Variants in SH3BGR observed in about 807,000 individuals in gnomAD.
SH3BGR encodes SH3 domain binding glutamate rich protein, also known as SH3 domain-binding glutamic acid-rich protein.
A neutral mutation model predicts 24.5 loss-of-function variants in SH3BGR; 29 were observed. The observed-to-expected ratio is 1.18, with a 90% CI of 0.88 to 1.61. The LOEUF is 1.61. SH3BGR is among the 40% of genes most tolerant of loss of function. SH3BGR has a pLI of 0.00. For synonymous variants in SH3BGR, 55 were observed against 65.7 expected (o/e 0.84, Z 0.79); for missense variants, 162 against 205.8 (o/e 0.79, Z 1.30).
upstream of SH3BGR, chr21:39,451,737 A>G (rs1427303595): frequency 2.4e-6 from 2 of 825,646 alleles, no homozygotes; most frequent in South Asian, 1.7e-5. Flanking sequence ...GCCCCAAGGC[A>G]TCTCTGCACA....
At position 39,503,524 on chromosome 21, in the gene SH3BGR, A is replaced by G. The variant is rs138130486; in HGVS notation, c.405+3609A>G. On this transcript the variant is annotated intron_variant, in intron 4 of 6. Transcript: ENST00000333634. ...TCCAGCACCTGGCAATGTTCAGTTG[A>G]GTGATAAACCAGGTAAATGCCTAAG... Among the ~76,000 whole-genome samples the G allele has an allele frequency of 2.2e-4, 33 of 152,358 alleles. 1 individual carries two copies. The East Asian group carries it at 6.2e-3, about 28-fold the overall frequency.
chr21:39,455,277 G>A (rs1413965983), intron 1 of SH3BGR, among the ~76,000 whole-genome samples: 1 of 152,216 alleles, frequency 6.6e-6, no homozygotes, highest in Non-Finnish European at 1.5e-5. Context: ...AGCTCTCTGA[G>A]TCTTCACTGA....
At chr21:39,478,185 G>C (rs993755134) in intron 3 of SH3BGR, among the ~76,000 whole-genome samples, 1 of 152,108 alleles carries the variant, frequency 6.6e-6, no homozygotes. Flanking sequence ...ATATTGGAAA[G>C]GTCAAATAGT....
chr21:39,500,189 G>A (rs2078470594), intron 4 of SH3BGR, among the ~76,000 whole-genome samples: 1 of 152,086 alleles, frequency 6.6e-6, no homozygotes, highest in Non-Finnish European at 1.5e-5. Context: ...TGGTGTTATG[G>A]CTAGGTTAGG....
At chr21:39,480,089 C>G (rs971624956) in intron 3 of SH3BGR, among the ~76,000 whole-genome samples, 4 of 152,144 alleles carry the variant, frequency 2.6e-5, no homozygotes, top group African/African-American at 9.7e-5. Flanking sequence ...CCATTAATTT[C>G]TTTCCATATG....
At position 39,511,394 on chromosome 21, in the gene SH3BGR, C is replaced by G. The variant is rs571300842; in HGVS notation, c.436-286C>G. Among the ~76,000 whole-genome samples the G allele has an allele frequency of 7.8e-6, 1 of 128,672 alleles. No homozygotes were observed. 84.4% of individuals were successfully genotyped at this position (128,672 alleles called of 152,430 possible). On this transcript the variant is annotated intron_variant, in intron 5 of 6. Coordinates refer to ENST00000333634, the MANE Select transcript of SH3BGR (RefSeq NM_007341.3). This position sits in a 1 kb window ranked among gnomAD's most constrained non-coding sequence, Gnocchi z 4.2. ...GTGTGGTGTGTATGTGGTGTGTGTG[C>G]GTGGATGTGTGTCTGGGTGGTGTGT...
Position 39,502,046 on chromosome 21 carries a change from G to A in SH3BGR, c.405+2131G>A, listed in dbSNP as rs193188962. On this transcript the variant is annotated intron_variant, in intron 4 of 6. Coordinates refer to ENST00000333634, the MANE Select transcript of SH3BGR (RefSeq NM_007341.3). ...AAATTAGCTGGCTGTGATGGCGCAC[G>A]CCTGTAATCCCAGCTATTTGGGAAG... Among the ~76,000 whole-genome samples the A allele has an allele frequency of 8.0e-3, 1,217 of 152,342 alleles. 3 individuals are homozygous for A. The highest frequency in any genetic ancestry group is 0.012 in the Non-Finnish European group (840 of 68,036).
intron 1 of SH3BGR, among the ~76,000 whole-genome samples, chr21:39,456,921 T>C (rs1307620597): frequency 7.1e-6 from 1 of 140,786 alleles, no homozygotes; most frequent in African/African-American, 2.6e-5. Context: ...ATTGTCTTTT[T>C]TATATTGATG....
At chr21:39,458,796 G>GC (rs1252112824) in intron 1 of SH3BGR, among the ~76,000 whole-genome samples, 1 of 151,344 alleles carries the variant, frequency 6.6e-6, no homozygotes, top group Admixed American at 6.6e-5. Flanking sequence ...ACAGACATGC[G>GC]CCACCACGCC....
chr21:39,470,354 G>T (rs867147903), intron 2 of SH3BGR, among the ~76,000 whole-genome samples: 1 of 151,802 alleles, frequency 6.6e-6, no homozygotes, highest in Non-Finnish European at 1.5e-5. Context: ...CACCTCCCAG[G>T]TTCAAGCAAT....
chr21:39,487,472 T>C (rs1372749198), intron 3 of SH3BGR, among the ~76,000 whole-genome samples: 2 of 152,200 alleles, frequency 1.3e-5, no homozygotes, highest in African/African-American at 2.4e-5. Flanking sequence ...AAGTGTTACC[T>C]TTACAGATTG....
At chr21:39,500,410 T>C (rs1428698085) in intron 4 of SH3BGR, among the ~76,000 whole-genome samples, 2 of 152,034 alleles carry the variant, frequency 1.3e-5, no homozygotes, top group Non-Finnish European at 2.9e-5. Flanking sequence ...ATCAGGGAAA[T>C]AGCAGATCTT....
At chr21:39,453,630 G>A (rs1269978101) in intron 1 of SH3BGR, among the ~76,000 whole-genome samples, 1 of 152,170 alleles carries the variant, frequency 6.6e-6, no homozygotes, top group Non-Finnish European at 1.5e-5. Context: ...TGGATGACCT[G>A]GAGAGGCAAT....
chr21:39,467,026 A>G (rs2077854499), intron 2 of SH3BGR, among the ~76,000 whole-genome samples: 1 of 152,182 alleles, frequency 6.6e-6, no homozygotes, highest in Non-Finnish European at 1.5e-5. Flanking sequence ...AAATTATCAG[A>G]AGAATCATCT....
intron 2 of SH3BGR, among the ~76,000 whole-genome samples, chr21:39,472,384 C>G (rs912297220): frequency 7.9e-5 from 12 of 152,130 alleles, no homozygotes; most frequent in Non-Finnish European, 1.8e-4. Context: ...TGAGGGTGGT[C>G]CCCTTATGGC....
chr21:39,453,090 A>G (rs2077601023), intron 1 of SH3BGR, among the ~76,000 whole-genome samples: 2 of 152,330 alleles, frequency 1.3e-5, no homozygotes, highest in South Asian at 2.1e-4. Context: ...CCACTCTGCC[A>G]GAAACAGTAC....
At chr21:39,502,098 G>A (rs1428354746) in intron 4 of SH3BGR, among the ~76,000 whole-genome samples, 2 of 152,200 alleles carry the variant, frequency 1.3e-5, no homozygotes, top group Non-Finnish European at 2.9e-5. Flanking sequence ...GCTTGAACCC[G>A]GGAGGCAGAG....
chr21:39,468,389 G>C (rs2077878897), intron 2 of SH3BGR, among the ~76,000 whole-genome samples: 1 of 152,206 alleles, frequency 6.6e-6, no homozygotes, highest in East Asian at 1.9e-4. Flanking sequence ...CCAGAAATGT[G>C]GAAGCCCTCT....
rs1164205385 is a variant in SH3BGR at position 39,492,443 on chromosome 21, GGT to G, written c.313-7357_313-7356del. ...TTTTTATGGCTGAGTAGTTTCCCTT[GGT>G]GTGTGTGTGTGTGTGTGTGTGTATA... On this transcript the variant is annotated intron_variant, in intron 3 of 6. Transcript: ENST00000333634. Among the ~76,000 whole-genome samples the G allele has an allele frequency of 1.4e-3, 192 of 136,460 alleles. 1 individual carries two copies. Among genetic ancestry groups the G allele is most frequent in the South Asian group, 4.0e-3 (16 of 4,028 alleles). The allele number at this position is 136,460 out of a possible 152,430, so 89.5% of individuals were successfully genotyped here.
Sources: gnomAD v4.1 joint callset for allele counts (sites outside exome capture counted in the v4.1 genomes callset) on GRCh38, gnomAD v4.1.1 for gene constraint, Gnocchi (gnomAD v3.1) non-coding constraint, MANE v1.5 for transcripts, NCBI Gene and HGNC (gene_info 2026-07-23, HGNC 2026-07-21) for gene names.